Variants in BDP1 observed in about 807,000 individuals in gnomAD.
BDP1 encodes the protein BDP1 general transcription factor IIIB subunit.
BDP1 carries 169 observed loss-of-function variants against 266.6 expected under a neutral mutation model. The ratio of observed to expected loss-of-function variants is 0.63; its 90% confidence interval spans 0.56 to 0.72. The LOEUF is 0.72. Among genes scored for constraint, BDP1 ranks in the 30% least tolerant of loss-of-function variants. The pLI, the probability that BDP1 is intolerant of heterozygous loss-of-function variation, is 0.00. For missense variants in BDP1, 3,015 were observed against 3,053.8 expected (o/e 0.99, Z 0.30); for synonymous variants, 1,090 against 1,022.4 (o/e 1.07, Z -1.26).
rs141936143 is a variant in BDP1 at position 71,560,297 on chromosome 5, A to G, written c.7496+60A>G. 33 of 1,529,930 alleles carry G rather than the reference A, an allele frequency of 2.2e-5. No homozygotes were observed. The East Asian group carries it at 3.6e-4, about 17-fold the overall frequency. 94.8% of individuals were successfully genotyped at this position (1,529,930 alleles called of 1,614,324 possible). A position where few individuals can be genotyped will look rare whatever the true frequency, so the allele number is the denominator to read the frequency against. Reference sequence around the variant, plus strand: ...CTCTGTCTTAATAAATATAACCTATACAGAACAGATTAGATCCAGTACTAA... The same window carrying G: ...CTCTGTCTTAATAAATATAACCTATGCAGAACAGATTAGATCCAGTACTAA... On this transcript the variant is annotated intron_variant, in intron 37 of 38. Transcript: ENST00000358731.
At chr5:71,537,644 G>T in intron 26 of BDP1, 1 of 162,008 alleles carries the variant, frequency 6.2e-6, no homozygotes. Context: ...TTCTTGGTTA[G>T]CCACTTTGGT....
chr5:71,477,137 G>A (rs1449382339), intron 7 of BDP1, among the ~76,000 whole-genome samples: 4 of 151,462 alleles, frequency 2.6e-5, no homozygotes, highest in African/African-American at 7.3e-5. Context: ...ATGAGCCACC[G>A]AGCCCAGCCT....
At chr5:71,576,586 G>A in the BDP1 span, among the ~76,000 whole-genome samples, 1 of 152,174 alleles carries the variant, frequency 6.6e-6, no homozygotes, top group Non-Finnish European at 1.5e-5. Flanking sequence ...CCCCTCCATA[G>A]ACCCAGTGTC....
chr5:71,480,092 G>A (rs1351181632), intron 7 of BDP1, among the ~76,000 whole-genome samples: 5 of 150,832 alleles, frequency 3.3e-5, no homozygotes, highest in African/African-American at 9.7e-5. Flanking sequence ...CTACAGGTGC[G>A]CACCACCATG....
chr5:71,495,202 T>G, intron 11 of BDP1, 48 bp from the exon 12 acceptor site: 1 of 1,168,106 alleles, frequency 8.6e-7, no homozygotes, highest in Non-Finnish European at 1.2e-6. Flanking sequence ...TTATAAAATA[T>G]ATATCATTAG....
At chr5:71,525,208 C>T (rs1765728801) in intron 25 of BDP1, among the ~76,000 whole-genome samples, 3 of 151,618 alleles carry the variant, frequency 2.0e-5, no homozygotes, top group African/African-American at 7.3e-5. Context: ...CCAGCAGGGG[C>T]GGCCGGGCAG....
At chr5:71,496,618 T>TGTCAA (rs1763910123) in intron 12 of BDP1, among the ~76,000 whole-genome samples, 1 of 152,014 alleles carries the variant, frequency 6.6e-6, no homozygotes, top group Non-Finnish European at 1.5e-5. Flanking sequence ...GTCTTGCTCT[T>TGTCAA]GTCACCCAGG....
chr5:71,573,595 T>C, the BDP1 span, among the ~76,000 whole-genome samples: 8 of 152,228 alleles, frequency 5.3e-5, no homozygotes, highest in Admixed American at 5.2e-4. Flanking sequence ...TACCCTTTGA[T>C]GTAAAACAAT....
At chr5:71,460,977 T>G (rs1036096489) in intron 2 of BDP1, among the ~76,000 whole-genome samples, 1 of 152,144 alleles carries the variant, frequency 6.6e-6, no homozygotes, top group Admixed American at 6.5e-5. Context: ...TTAGTTTTAT[T>G]CTTTGGTTAT....
intron 1 of BDP1, among the ~76,000 whole-genome samples, chr5:71,457,837 T>C (rs1232714462): frequency 6.6e-6 from 1 of 152,218 alleles, no homozygotes; most frequent in African/African-American, 2.4e-5. Context: ...GTAGACTGTT[T>C]TTAATTATTG....
intron 30 of BDP1, 101 bp from the exon 31 acceptor site, chr5:71,544,256 C>A: frequency 1.9e-6 from 2 of 1,067,950 alleles, no homozygotes; most frequent in South Asian, 1.8e-5. Context: ...TTGGAAGAGT[C>A]ACTATATAGG....
intron 26 of BDP1, among the ~76,000 whole-genome samples, chr5:71,535,016 A>C (rs1766502742): frequency 6.6e-6 from 1 of 152,142 alleles, no homozygotes; most frequent in Non-Finnish European, 1.5e-5. Context: ...TTTGTATATT[A>C]GCTTTATATC....
chr5:71,562,807 C>T, intron 38 of BDP1: 12 of 1,338,500 alleles, frequency 9.0e-6, no homozygotes, highest in Non-Finnish European at 1.2e-5. Context: ...CAAAAGGAAG[C>T]AGTGCTGACA....
At chr5:71,553,012 A>G in intron 34 of BDP1, 104 bp from the exon 35 acceptor site, 1 of 960,172 alleles carries the variant, frequency 1.0e-6, no homozygotes, top group South Asian at 1.7e-5. Flanking sequence ...GGAATACCTC[A>G]GCCTTTAACT....
chr5:71,475,120 T>C (rs1296233709), intron 7 of BDP1, among the ~76,000 whole-genome samples: 1 of 152,178 alleles, frequency 6.6e-6, no homozygotes, highest in Non-Finnish European at 1.5e-5. Context: ...AGCCTCGCTC[T>C]GTTACACAGT....
intron 25 of BDP1, 107 bp downstream of exon 25, chr5:71,524,430 G>C (rs955099680): frequency 4.1e-6 from 5 of 1,206,342 alleles, no homozygotes; most frequent in Non-Finnish European, 5.7e-6. Flanking sequence ...AGGATTTGAA[G>C]AGTTCATTCT....
At chr5:71,551,394 C>T (rs572358431) in intron 34 of BDP1, among the ~76,000 whole-genome samples, 35 of 152,280 alleles carry the variant, frequency 2.3e-4, no homozygotes, top group Admixed American at 1.4e-3. Context: ...CCTGAGTGGA[C>T]ACAGCACATG....
At chr5:71,493,335 C>T (rs1179819089) in intron 11 of BDP1, among the ~76,000 whole-genome samples, 2 of 152,160 alleles carry the variant, frequency 1.3e-5, no homozygotes, top group African/African-American at 4.8e-5. Context: ...TCACAGCTCA[C>T]CACAACCTTG....
chr5:71,553,677 T>C (rs889351466), intron 35 of BDP1, among the ~76,000 whole-genome samples: 3 of 152,194 alleles, frequency 2.0e-5, no homozygotes, highest in African/African-American at 7.2e-5. Context: ...TTTCCTAATA[T>C]GTAAAATGAT....
Sources: allele counts gnomAD v4.1 joint callset (sites outside exome capture counted in the v4.1 genomes callset), GRCh38; gene constraint gnomAD v4.1.1; transcripts MANE v1.5; gene names NCBI Gene and HGNC (gene_info 2026-07-23, HGNC 2026-07-21).